The following MPDZ variants were observed in gnomAD, a reference collection of about 807,000 sequenced individuals.
The protein encoded by MPDZ is multiple PDZ domain crumbs cell polarity complex component.
MPDZ carries 234 observed loss-of-function variants against 239.1 expected under a neutral mutation model. That is an observed-to-expected ratio of 0.98 (90% CI 0.88 to 1.09). The LOEUF (loss-of-function observed/expected upper bound fraction) is 1.09. Among genes scored for constraint, MPDZ ranks in the 50% least tolerant of loss-of-function variants. The probability of loss-of-function intolerance (pLI) is 0.00; values close to 1 mark genes in which losing one functional copy is unlikely to be tolerated. For synonymous variants in MPDZ, 1,048 were observed against 881.3 expected (o/e 1.19, Z -3.35); for missense variants, 3,175 against 2,510.0 (o/e 1.26, Z -5.66).
At chr9:13,149,043 T>C (rs1356500582) in intron 25 of MPDZ, among the ~76,000 whole-genome samples, 2 of 151,844 alleles carry the variant, frequency 1.3e-5, no homozygotes, top group Non-Finnish European at 2.9e-5. Context: ...GAGGTATGCA[T>C]AAAATAAACT....
At chr9:13,118,355 G>A (rs1943815789) in intron 39 of MPDZ, among the ~76,000 whole-genome samples, 1 of 152,128 alleles carries the variant, frequency 6.6e-6, no homozygotes, top group African/African-American at 2.4e-5. Context: ...TGTTAACTTT[G>A]CTTTAATAAC....
At chr9:13,136,029 T>C (rs1946684211) in intron 31 of MPDZ, 63 bp downstream of exon 31, 7 of 1,105,448 alleles carry the variant, frequency 6.3e-6, no homozygotes, top group African/African-American at 4.7e-5. Context: ...TAATTGTTGA[T>C]TGAATTAATA....
intron 6 of MPDZ, 62 bp from the exon 7 acceptor site, chr9:13,221,562 C>T (rs1013543834): frequency 3.0e-5 from 46 of 1,541,442 alleles, no homozygotes; most frequent in Non-Finnish European, 4.0e-5. Context: ...TTTTACATTA[C>T]AGTAGAAATT....
intron 11 of MPDZ, 108 bp downstream of exon 11, chr9:13,205,808 A>T (rs1200094914): frequency 2.0e-6 from 2 of 1,022,858 alleles, no homozygotes; most frequent in East Asian, 2.6e-5. Context: ...GGTAAAAAGC[A>T]TTCTGAATAA....
intron 10 of MPDZ, among the ~76,000 whole-genome samples, chr9:13,211,207 C>G (rs1957578122): frequency 6.6e-6 from 1 of 152,098 alleles, no homozygotes. Context: ...ATAACTTACT[C>G]TACAAGAATA....
chr9:13,126,934 A>G (rs1389799701), intron 32 of MPDZ, among the ~76,000 whole-genome samples, 162 bp from the exon 33 acceptor site: 1 of 152,256 alleles, frequency 6.6e-6, no homozygotes, highest in African/African-American at 2.4e-5. Context: ...CTTTTCTTAA[A>G]CAAACTTTCA....
intron 19 of MPDZ, among the ~76,000 whole-genome samples, chr9:13,183,103 T>C (rs1192423735): frequency 6.6e-6 from 1 of 152,098 alleles, no homozygotes; most frequent in Non-Finnish European, 1.5e-5. Context: ...TTTTCCAAAG[T>C]ATACACTGCT....
chr9:13,255,941 C>T (rs1969326390), intron 1 of MPDZ, among the ~76,000 whole-genome samples: 1 of 152,188 alleles, frequency 6.6e-6, no homozygotes, highest in African/African-American at 2.4e-5. Flanking sequence ...CTCCTAACTA[C>T]TTAAGTCCCT....
rs557843622 is a variant in MPDZ, at chr9:13,265,353, T to C, written c.-58+14047A>G. Among the ~76,000 whole-genome samples the C allele has an allele frequency of 2.0e-5, 3 of 152,296 alleles. No homozygotes were observed. The South Asian group carries it at 6.2e-4, about 32-fold the overall frequency. ...GGGACGCTGAGGCGGTCAGATCACCTGAGGTCGGGAGTTCAAGAAAAGCCT... is the reference window on the plus strand; with the variant it reads ...GGGACGCTGAGGCGGTCAGATCACCCGAGGTCGGGAGTTCAAGAAAAGCCT... On this transcript the variant is annotated intron_variant, in intron 1 of 46. Transcript: ENST00000319217.
At chr9:13,132,365 C>G (rs571375501) in intron 32 of MPDZ, among the ~76,000 whole-genome samples, 11 of 152,300 alleles carry the variant, frequency 7.2e-5, no homozygotes, top group African/African-American at 2.6e-4. Context: ...AGAAGGGCTT[C>G]TGACAGCACA....
chr9:13,114,166 C>T, intron 40 of MPDZ, 145 bp from the exon 41 acceptor site: 1 of 688,390 alleles, frequency 1.5e-6, no homozygotes, highest in East Asian at 2.8e-5. Flanking sequence ...AAACACAGTT[C>T]CTACTGATTT....
intron 9 of MPDZ, 53 bp from the exon 10 acceptor site, chr9:13,216,915 T>C: frequency 7.3e-7 from 1 of 1,371,746 alleles, no homozygotes; most frequent in Non-Finnish European, 1.0e-6. Flanking sequence ...ATTCAAAGAA[T>C]ATCCATCTTC....
At chr9:13,240,633 C>T (rs1450037066) in intron 3 of MPDZ, among the ~76,000 whole-genome samples, 1 of 143,278 alleles carries the variant, frequency 7.0e-6, no homozygotes, top group Non-Finnish European at 1.5e-5. Flanking sequence ...TTAGACAGAC[C>T]TCAAATTCTC....
chr9:13,189,898 T>C (rs1954657963), intron 16 of MPDZ, among the ~76,000 whole-genome samples: 4 of 152,286 alleles, frequency 2.6e-5, no homozygotes, highest in South Asian at 4.1e-4. Context: ...TCCTAAAATG[T>C]ATCTTCCAAT....
At position 13,164,535 on chromosome 9, in the gene MPDZ, G is replaced by A. The variant is rs187746074; in HGVS notation, c.3255-1740C>T. 8.9e-4 allele frequency among the ~76,000 whole-genome samples: 135 copies of A among 152,054 alleles called. 1 individual carries two copies. Among genetic ancestry groups the A allele is most frequent in the African/African-American group, 3.1e-3 (129 of 41,572 alleles). The stretch of plus-strand genomic sequence containing the variant: ...GGAAAAGGTCAGGGAAGAAAGGCAG[G>A]ATAGAATAGCAAAAATAATAGCAAT... On this transcript the variant is annotated intron_variant, in intron 22 of 46. Transcript: ENST00000319217.
At position 13,190,250 on chromosome 9, in the gene MPDZ, G is replaced by A. The variant is rs1202991064; in HGVS notation, c.2018C>T (p.Pro673Leu). ...EFIGSSETEDPVLAMTDAGQS... is the reference protein window; with the variant it reads ...EFIGSSETEDLVLAMTDAGQS... Reference sequence around the variant, plus strand: ...ACCCGCATCAGTCATCGCCAGCACTGGATCCTCTGTCTCTGATGACCCGAT... The same window carrying A: ...ACCCGCATCAGTCATCGCCAGCACTAGATCCTCTGTCTCTGATGACCCGAT... Residue 673 changes from proline (P) to leucine (L), a missense_variant, in exon 16 of 47, where the codon CCA becomes CTA. By Grantham distance (98) the Pro-to-Leu change is moderately conservative. Transcript: ENST00000319217. The A allele has an allele frequency of 2.5e-6, 4 of 1,610,814 alleles. No individual in the cohort carries two copies. The highest frequency in any genetic ancestry group is 2.2e-5 in the East Asian group (1 of 44,736).
intron 30 of MPDZ, 75 bp from the exon 31 acceptor site, chr9:13,136,257 G>C (rs1034044438): frequency 5.6e-6 from 5 of 894,458 alleles, no homozygotes; most frequent in Non-Finnish European, 8.2e-6. Context: ...GAGTCAGAAG[G>C]TTATTAGAGA....
chr9:13,272,391 TA>T (rs1490785304), intron 1 of MPDZ, among the ~76,000 whole-genome samples: 2 of 152,104 alleles, frequency 1.3e-5, no homozygotes, highest in African/African-American at 4.8e-5. Context: ...TAACCCGATA[TA>T]TATTCAATAG....
At chr9:13,244,936 G>A (rs1480418913) in intron 3 of MPDZ, among the ~76,000 whole-genome samples, 1 of 151,976 alleles carries the variant, frequency 6.6e-6, no homozygotes, top group Non-Finnish European at 1.5e-5. Context: ...TGATGGAGAG[G>A]GAGAATCAGA....
Sources: gnomAD v4.1 joint callset for allele counts (sites outside exome capture counted in the v4.1 genomes callset) on GRCh38, gnomAD v4.1.1 for gene constraint, MANE v1.5 for transcripts, NCBI Gene and HGNC (gene_info 2026-07-23, HGNC 2026-07-21) for gene names.